PPM1E: variants seen among roughly 807,000 people sequenced by gnomAD.
The protein encoded by PPM1E is protein phosphatase 1E.
A neutral mutation model predicts 65.9 loss-of-function variants in PPM1E; 20 were observed. That is an observed-to-expected ratio of 0.30 (90% CI 0.21 to 0.44). The LOEUF (loss-of-function observed/expected upper bound fraction) is 0.44. PPM1E is among the 20% of genes least tolerant of loss of function. The pLI is 1.00. For synonymous variants in PPM1E, 352 were observed against 374.9 expected (o/e 0.94, Z 0.70); for missense variants, 713 against 953.1 (o/e 0.75, Z 3.32).
At chr17:58,832,851 G>T (rs1234736039) in intron 1 of PPM1E, among the ~76,000 whole-genome samples, 1 of 151,940 alleles carries the variant, frequency 6.6e-6, no homozygotes, top group Non-Finnish European at 1.5e-5. Context: ...GCCTCGCTCT[G>T]TTACCAGGCT....
intron 1 of PPM1E, among the ~76,000 whole-genome samples, chr17:58,887,488 A>G (rs181411636): frequency 3.3e-5 from 5 of 152,272 alleles, no homozygotes; most frequent in Non-Finnish European, 7.4e-5. Context: ...TCTTAAAAGT[A>G]AAGAACTGAA....
intron 1 of PPM1E, among the ~76,000 whole-genome samples, chr17:58,910,149 C>T (rs542637635): frequency 3.4e-4 from 52 of 151,928 alleles, no homozygotes; most frequent in African/African-American, 9.6e-4. Flanking sequence ...GTGATCCACC[C>T]GCCTCGTTGC....
At chr17:58,949,427 G>C (rs1035478047) in intron 1 of PPM1E, among the ~76,000 whole-genome samples, 2 of 151,916 alleles carry the variant, frequency 1.3e-5, no homozygotes, top group African/African-American at 4.8e-5. Flanking sequence ...CATATAGTTG[G>C]GTCTTGTTTT....
chr17:58,766,634 G>C (rs946755944), intron 1 of PPM1E, among the ~76,000 whole-genome samples: 1 of 148,922 alleles, frequency 6.7e-6, no homozygotes. Context: ...CACACACACA[G>C]TAAAAAATAC....
intron 1 of PPM1E, 57 bp from the exon 2 acceptor site, chr17:58,955,592 A>G: frequency 1.9e-6 from 3 of 1,561,726 alleles, no homozygotes; most frequent in Non-Finnish European, 2.6e-6. Context: ...TATAACGTTA[A>G]ATGTATTACT....
intron 1 of PPM1E, among the ~76,000 whole-genome samples, chr17:58,858,102 C>T (rs570025930): frequency 6.6e-6 from 1 of 152,188 alleles, no homozygotes; most frequent in Non-Finnish European, 1.5e-5. Flanking sequence ...CTCTTGATTC[C>T]TCCTTAACCT....
chr17:58,804,428 T>C (rs2050286295), intron 1 of PPM1E, among the ~76,000 whole-genome samples: 1 of 152,180 alleles, frequency 6.6e-6, no homozygotes. Flanking sequence ...TACCAAAACA[T>C]TATTCTCTAA....
intron 3 of PPM1E, among the ~76,000 whole-genome samples, chr17:58,967,975 T>G (rs955077697): frequency 4.6e-5 from 7 of 152,148 alleles, no homozygotes; most frequent in African/African-American, 1.7e-4. Flanking sequence ...AGCTAATTTT[T>G]GTATTTTTAG....
intron 1 of PPM1E, among the ~76,000 whole-genome samples, chr17:58,827,603 T>G (rs903175040): frequency 1.3e-5 from 2 of 151,700 alleles, no homozygotes; most frequent in African/African-American, 4.8e-5. Flanking sequence ...CCTATAAATT[T>G]AAAAAATAAT....
At chr17:58,934,990 C>T (rs558177444) in intron 1 of PPM1E, among the ~76,000 whole-genome samples, 4 of 150,970 alleles carry the variant, frequency 2.6e-5, no homozygotes, top group South Asian at 2.1e-4. Flanking sequence ...CGGTGGCTCA[C>T]GCCTGTAATC....
intron 1 of PPM1E, among the ~76,000 whole-genome samples, chr17:58,759,027 A>G (rs59261696): frequency 0.01 from 1,570 of 152,046 alleles, 20 homozygotes; most frequent in African/African-American, 0.036. Flanking sequence ...CCAAGATCCT[A>G]CTGCTGTCCA....
At chr17:58,927,186 G>A (rs1598654647) in intron 1 of PPM1E, among the ~76,000 whole-genome samples, 1 of 149,184 alleles carries the variant, frequency 6.7e-6, no homozygotes, top group African/African-American at 2.5e-5. Flanking sequence ...GAGTGCAGTG[G>A]CTCGGTCTCG....
intron 1 of PPM1E, among the ~76,000 whole-genome samples, chr17:58,922,045 G>GA (rs1176638406): frequency 2.8e-4 from 31 of 111,620 alleles, no homozygotes; most frequent in South Asian, 1.4e-3. Context: ...ATCTCAAAAA[G>GA]AAAAAAAAAA....
chr17:58,963,099 A>T (rs1037234964), intron 2 of PPM1E, among the ~76,000 whole-genome samples: 1 of 149,890 alleles, frequency 6.7e-6, no homozygotes, highest in Non-Finnish European at 1.5e-5. Flanking sequence ...TTAAAGAAAA[A>T]AAAAGCTGGG....
intron 1 of PPM1E, among the ~76,000 whole-genome samples, chr17:58,804,456 C>A (rs1018895125): frequency 6.6e-6 from 1 of 152,020 alleles, no homozygotes; most frequent in African/African-American, 2.4e-5. Flanking sequence ...TGTCACCCAG[C>A]TTTTAGTGAA....
At chr17:58,805,961 C>CAAAAAAAA (rs71367632) in intron 1 of PPM1E, among the ~76,000 whole-genome samples, 6 of 69,834 alleles carry the variant, frequency 8.6e-5, no homozygotes, top group Non-Finnish European at 1.4e-4. Context: ...AAAAAAAAAA[C>CAAAAAAAA]AAAAAAAAAA....
At chr17:58,903,632 C>T (rs890523380) in intron 1 of PPM1E, among the ~76,000 whole-genome samples, 2 of 152,178 alleles carry the variant, frequency 1.3e-5, no homozygotes, top group Non-Finnish European at 2.9e-5. Context: ...CTGACATGCA[C>T]ACCCACAGAC....
intron 1 of PPM1E, among the ~76,000 whole-genome samples, chr17:58,757,232 C>T: frequency 6.6e-6 from 1 of 152,086 alleles, no homozygotes; most frequent in East Asian, 1.9e-4. Context: ...AAAAGTCAGG[C>T]TGTTTTGATT....
chr17:58,863,048 G>A (rs1304009986), intron 1 of PPM1E, among the ~76,000 whole-genome samples: 1 of 152,192 alleles, frequency 6.6e-6, no homozygotes, highest in Admixed American at 6.5e-5. Context: ...TTGCTTTGTG[G>A]AATGTCTGAC....
Sources: allele counts gnomAD v4.1 joint callset (sites outside exome capture counted in the v4.1 genomes callset), GRCh38; gene constraint gnomAD v4.1.1; transcripts MANE v1.5; gene names NCBI Gene and HGNC (gene_info 2026-07-23, HGNC 2026-07-21).